Variants in CHL1 observed in about 807,000 individuals in gnomAD.
The protein encoded by CHL1 is cell adhesion molecule L1 like.
In CHL1, 96 loss-of-function variants were observed where a neutral mutation model predicts 141.9. The ratio of observed to expected loss-of-function variants is 0.68; its 90% confidence interval spans 0.57 to 0.80. The LOEUF (loss-of-function observed/expected upper bound fraction) is 0.80. CHL1 is among the 30% of genes least tolerant of loss of function. The probability of loss-of-function intolerance (pLI) is 0.00; values close to 1 mark genes in which losing one functional copy is unlikely to be tolerated. For synonymous variants in CHL1, 613 were observed against 502.2 expected (o/e 1.22, Z -2.95); for missense variants, 1,820 against 1,457.2 (o/e 1.25, Z -4.05).
chr3:246,640 T>C (rs1386738948), intron 2 of CHL1: 1 of 152,144 alleles, frequency 6.6e-6, no homozygotes, highest in East Asian at 1.9e-4. Flanking sequence ...AGTAAAATAA[T>C]CTTCAAGCTC....
At chr3:305,972 T>C (rs1699193754) in intron 2 of CHL1, among the ~76,000 whole-genome samples, 1 of 152,190 alleles carries the variant, frequency 6.6e-6, no homozygotes, top group East Asian at 1.9e-4. Flanking sequence ...CATGTGTATT[T>C]AAGTAAACTG....
At chr3:202,089 G>T (rs1172684900) in intron 1 of CHL1, among the ~76,000 whole-genome samples, 1 of 152,170 alleles carries the variant, frequency 6.6e-6, no homozygotes, top group Admixed American at 6.5e-5. Flanking sequence ...CTGTCAGCTT[G>T]CAGGTGTGTG....
chr3:388,086 G>A (rs1245157368), intron 19 of CHL1, among the ~76,000 whole-genome samples: 1 of 152,044 alleles, frequency 6.6e-6, no homozygotes, highest in African/African-American at 2.4e-5. Context: ...CTTAAATTTA[G>A]GATTAAAATC....
At chr3:364,287 C>A (rs1704592321) in intron 14 of CHL1, among the ~76,000 whole-genome samples, 1 of 152,132 alleles carries the variant, frequency 6.6e-6, no homozygotes, top group Non-Finnish European at 1.5e-5. Context: ...CACTCAAATA[C>A]TCTCCCACAA....
chr3:197,752 G>A (rs1292036230), intron 1 of CHL1: 3 of 455,424 alleles, frequency 6.6e-6, no homozygotes, highest in African/African-American at 4.0e-5. Context: ...GACCGCCGAG[G>A]GGCGAGAGGG....
chr3:207,672 T>A (rs1699558336), intron 1 of CHL1, among the ~76,000 whole-genome samples: 1 of 152,168 alleles, frequency 6.6e-6, no homozygotes, highest in Non-Finnish European at 1.5e-5. Context: ...ACATATACTA[T>A]TTTCCATAAA....
intron 1 of CHL1, among the ~76,000 whole-genome samples, chr3:229,959 C>T (rs752922083): frequency 6.6e-6 from 1 of 152,158 alleles, no homozygotes; most frequent in Non-Finnish European, 1.5e-5. Context: ...GTCTGTGCAG[C>T]TGTTGCTTCG....
chr3:346,101 C>A (rs1702748344), intron 9 of CHL1, among the ~76,000 whole-genome samples: 1 of 152,140 alleles, frequency 6.6e-6, no homozygotes, highest in African/African-American at 2.4e-5. Context: ...TTCAAAAAAT[C>A]ATATTCATTC....
Position 290,791 on chromosome 3 carries a change from C to T in CHL1, c.-94-28892C>T, listed in dbSNP as rs1416059470. 2.6e-5 allele frequency among the ~76,000 whole-genome samples: 4 copies of T among 152,006 alleles called. No homozygotes were observed. In the East Asian group the frequency reaches 7.8e-4, roughly 29 times the overall value. ...ACAAAAAGTTGTCTATTTTAATTAG[C>T]CAGGTGTGGTGGCACACACCTGTAA... On this transcript the variant is annotated intron_variant, in intron 2 of 27. Coordinates refer to ENST00000256509, the MANE Select transcript of CHL1 (RefSeq NM_006614.4).
chr3:377,806 T>A lies in CHL1; in HGVS notation c.1752-12T>A, dbSNP rs1262585072. The A allele has an allele frequency of 1.3e-6, 2 of 1,597,234 alleles. No homozygotes were observed. Among genetic ancestry groups the A allele is most frequent in the Non-Finnish European group, 1.7e-6 (2 of 1,169,938 alleles). ...TTTCCTTCTCATCATGTACTCACTTTTTTTCTGATAGGATAATTATTGATG... is the reference window on the plus strand; with the variant it reads ...TTTCCTTCTCATCATGTACTCACTTATTTTCTGATAGGATAATTATTGATG... On this transcript the variant is annotated splice_polypyrimidine_tract_variant and intron_variant, in intron 15 of 27. Coordinates refer to ENST00000256509, the MANE Select transcript of CHL1 (RefSeq NM_006614.4).
At chr3:257,394 T>C (rs958590128) in intron 2 of CHL1, among the ~76,000 whole-genome samples, 16 of 150,042 alleles carry the variant, frequency 1.1e-4, no homozygotes, top group Non-Finnish European at 1.5e-5. Flanking sequence ...CTCTCTGTAG[T>C]CCAGGCTGGA....
At chr3:322,752 T>C (rs896317818) in intron 3 of CHL1, among the ~76,000 whole-genome samples, 1 of 148,950 alleles carries the variant, frequency 6.7e-6, no homozygotes, top group African/African-American at 2.5e-5. Flanking sequence ...GCTGAGGCAG[T>C]AGGATCATTT....
At chr3:356,587 A>G (rs1299001120) in intron 11 of CHL1, among the ~76,000 whole-genome samples, 1 of 152,238 alleles carries the variant, frequency 6.6e-6, no homozygotes, top group African/African-American at 2.4e-5. Flanking sequence ...AAAGAGGTTC[A>G]GGACCCAGAG....
At chr3:239,168 A>T (rs950123210) in intron 1 of CHL1, among the ~76,000 whole-genome samples, 2 of 152,148 alleles carry the variant, frequency 1.3e-5, no homozygotes, top group Non-Finnish European at 2.9e-5. Context: ...ATCAATCAGA[A>T]CAGTGATGTG....
At chr3:231,545 G>C (rs896853737) in intron 1 of CHL1, among the ~76,000 whole-genome samples, 3 of 151,046 alleles carry the variant, frequency 2.0e-5, no homozygotes, top group African/African-American at 7.3e-5. Flanking sequence ...TTTTCAGTTG[G>C]GAGTACATGT....
chr3:396,347 A>T (rs1057082275), intron 24 of CHL1, among the ~76,000 whole-genome samples: 1 of 152,166 alleles, frequency 6.6e-6, no homozygotes, highest in African/African-American at 2.4e-5. Context: ...TATTTTTAAA[A>T]ACAGAATTTA....
chr3:399,114 C>T lies in CHL1; in HGVS notation c.3351C>T (p.Cys1117=), dbSNP rs1708911367. ...ALLTLLLLTV[C]FVKRNRGGKY... ...TCACACTACTATTATTAACTGTTTG[C>T]TTTGTGAAGAGGAATAGAGGTGGAA... The change falls in exon 26 of 28, where the codon TGC becomes TGT. Residue 1117 remains cysteine, a synonymous_variant. Coordinates refer to ENST00000256509, the MANE Select transcript of CHL1 (RefSeq NM_006614.4). The T allele has an allele frequency of 6.2e-7, 1 of 1,610,486 alleles. No individual in the cohort carries two copies.
At chr3:290,463 T>G (rs1369486095) in intron 2 of CHL1, among the ~76,000 whole-genome samples, 1 of 152,074 alleles carries the variant, frequency 6.6e-6, no homozygotes, top group African/African-American at 2.4e-5. Flanking sequence ...AAAGAGAAAA[T>G]GAGCTCCTTT....
chr3:198,226 C>T (rs572681410), intron 1 of CHL1: 44 of 160,568 alleles, frequency 2.7e-4, no homozygotes, highest in Non-Finnish European at 4.6e-4. Context: ...CTGGGTGGCC[C>T]GGCAGAGAGG....
Sources: allele counts gnomAD v4.1 joint callset (sites outside exome capture counted in the v4.1 genomes callset), GRCh38; gene constraint gnomAD v4.1.1; transcripts MANE v1.5; gene names NCBI Gene and HGNC (gene_info 2026-07-23, HGNC 2026-07-21).